The following CCDC186 variants were observed in gnomAD, a reference collection of about 807,000 sequenced individuals.
CCDC186 encodes the protein coiled-coil domain containing 186, also known as coiled-coil domain-containing protein 186.
CCDC186 carries 49 observed loss-of-function variants against 113.7 expected under a neutral mutation model. That is an observed-to-expected ratio of 0.43 (90% CI 0.34 to 0.55). The LOEUF (loss-of-function observed/expected upper bound fraction) is 0.55. Ranked by LOEUF, CCDC186 falls within the 20% of genes least tolerant of loss-of-function variation. CCDC186 has a pLI of 0.02. For synonymous variants in CCDC186, 355 were observed against 345.8 expected (o/e 1.03, Z -0.30); for missense variants, 890 against 1,011.1 (o/e 0.88, Z 1.62).
chr10:114,169,854 T>A (rs2032443032), intron 1 of CCDC186, among the ~76,000 whole-genome samples: 1 of 152,184 alleles, frequency 6.6e-6, no homozygotes, highest in Non-Finnish European at 1.5e-5. Flanking sequence ...TTTTGATAAA[T>A]AATTAACTTT....
At position 114,123,082 on chromosome 10, in the gene CCDC186, G is replaced by A. The variant is rs1252863410; in HGVS notation, c.*2061C>T. 1 of 152,472 alleles carries A rather than the reference G, an allele frequency of 6.6e-6. No individual in the cohort carries two copies. 9.4% of individuals were successfully genotyped at this position (152,472 alleles called of 1,614,324 possible). ...TGGGGAAAAAAATCCAAATATTGTA[G>A]TTTATGAACCTGTATCATAAGAAAC... On this transcript the variant is annotated 3_prime_UTR_variant, in exon 16 of 16. Transcript: ENST00000369287.
At chr10:114,157,488 G>T in intron 3 of CCDC186, 66 bp downstream of exon 3, 1 of 1,434,762 alleles carries the variant, frequency 7.0e-7, no homozygotes. Context: ...TGCCACAATC[G>T]GCTGCCAGGA....
In CCDC186 at chr10:114,134,958, A is replaced by C; in HGVS notation, c.1610T>G (p.Leu537Trp). ...CTGATCTGCAGTTTTCACCTTGTCCAATAAATTCTGAATTTCAGCTTTTTG... is the reference window on the plus strand; with the variant it reads ...CTGATCTGCAGTTTTCACCTTGTCCCATAAATTCTGAATTTCAGCTTTTTG... ...NRQKAEIQNL[L>W]DKVKTADQLQ... is the part of the protein sequence containing the mutation. The change falls in exon 10 of 16, where the codon TTG (leucine) becomes TGG (tryptophan). Residue 537 changes from leucine (L) to tryptophan (W), a missense_variant. Leu to Trp is a moderately conservative substitution (Grantham distance 61). Transcript: ENST00000369287. 1 of 1,612,682 alleles carries C rather than the reference A, an allele frequency of 6.2e-7. No individual in the cohort carries two copies. Among genetic ancestry groups the C allele is most frequent in the Non-Finnish European group, 8.5e-7 (1 of 1,179,582 alleles).
At chr10:114,130,942 G>A (rs2031067185) in intron 12 of CCDC186, 2 of 396,382 alleles carry the variant, frequency 5.0e-6, no homozygotes, top group South Asian at 2.4e-4. Context: ...TTGTGATTCT[G>A]TGAGTAAATG....
chr10:114,171,462 G>A (rs1368657113), intron 1 of CCDC186, among the ~76,000 whole-genome samples: 2 of 152,110 alleles, frequency 1.3e-5, no homozygotes, highest in African/African-American at 4.8e-5. Context: ...AAGGCAGGAG[G>A]ATTGCTTGAG....
intron 12 of CCDC186, 102 bp from the exon 13 acceptor site, chr10:114,130,073 C>T: frequency 1.0e-6 from 1 of 968,694 alleles, no homozygotes; most frequent in Non-Finnish European, 1.6e-6. Context: ...ATGGCATAGA[C>T]AAGAGAAAGT....
Position 114,121,385 on chromosome 10 carries a change from A to G in CCDC186, c.*3758T>C, listed in dbSNP as rs1311507726. ...CAACATTTACATTATTAAGGATTCT[A>G]TTTTTTTCTTTTACTGATAAATCTT... On this transcript the variant is annotated 3_prime_UTR_variant, in exon 16 of 16. Coordinates refer to ENST00000369287, the MANE Select transcript of CCDC186 (RefSeq NM_018017.4). The G allele has an allele frequency of 6.6e-6, 1 of 152,102 alleles. No individual in the cohort carries two copies. The highest frequency in any genetic ancestry group is 1.5e-5 in the Non-Finnish European group (1 of 67,986). The allele number at this position is 152,102 out of a possible 1,614,324, so 9.4% of individuals were successfully genotyped here. A position where few individuals can be genotyped will look rare whatever the true frequency, so the allele number is the denominator to read the frequency against.
At position 114,124,720 on chromosome 10, in the gene CCDC186, C is replaced by T. The variant is rs538817900; in HGVS notation, c.*423G>A. 6.5e-6 allele frequency: 1 copy of T among 154,428 alleles called. No individual in the cohort carries two copies. The highest frequency in any genetic ancestry group is 1.9e-4 in the East Asian group (1 of 5,228). The allele number at this position is 154,428 out of a possible 1,614,324, so 9.6% of individuals were successfully genotyped here. A position where few individuals can be genotyped will look rare whatever the true frequency, so the allele number is the denominator to read the frequency against. On this transcript the variant is annotated 3_prime_UTR_variant, in exon 16 of 16. Coordinates refer to ENST00000369287, the MANE Select transcript of CCDC186 (RefSeq NM_018017.4). Reference sequence around the variant, plus strand: ...CATTTTTATCATTTGTTTTAGTTGTCTTGATGTTGGAGAAATAGCGTATTA... The same window carrying T: ...CATTTTTATCATTTGTTTTAGTTGTTTTGATGTTGGAGAAATAGCGTATTA...
chr10:114,132,244 G>T, intron 10 of CCDC186, 60 bp from the exon 11 acceptor site: 1 of 1,256,896 alleles, frequency 8.0e-7, no homozygotes, highest in Non-Finnish European at 1.1e-6. Context: ...TAAATTAATG[G>T]TTTGGGAATT....
Position 114,141,782 on chromosome 10 carries a change from T to C in CCDC186, c.1221+2715A>G, listed in dbSNP as rs565773588. On this transcript the variant is annotated intron_variant, in intron 6 of 15. Transcript: ENST00000369287. ...CCTTGGTTCCCCATATTTTGAACTC[T>C]ATCTCCTCAATTCAGGTAGACTGCT... is the stretch of plus-strand genomic sequence containing the variant. Among the ~76,000 whole-genome samples, 8 of 152,322 alleles carry C rather than the reference T, an allele frequency of 5.3e-5. No individual in the cohort carries two copies. The South Asian group carries it at 1.7e-3, about 32-fold the overall frequency.
chr10:114,171,300 C>T (rs1475656878), intron 1 of CCDC186, among the ~76,000 whole-genome samples: 1 of 152,080 alleles, frequency 6.6e-6, no homozygotes, highest in East Asian at 1.9e-4. Context: ...CTTTGGGAGG[C>T]CTAGATGGGA....
intron 1 of CCDC186, among the ~76,000 whole-genome samples, chr10:114,171,816 A>G (rs75916893): frequency 0.013 from 2,011 of 152,336 alleles, 50 homozygotes; most frequent in African/African-American, 0.046. Flanking sequence ...ACAAATGTTA[A>G]TAAGAAATAC....
rs552240830 is a variant in CCDC186, at chr10:114,139,341, T to C, written c.1222-2051A>G. ...ATTTTGGGAGGCCGAGGCAGATGGA[T>C]CACCTGAGGTCAGGAGTTGAAGACC... On this transcript the variant is annotated intron_variant, in intron 6 of 15. Transcript: ENST00000369287. Among the ~76,000 whole-genome samples the C allele has an allele frequency of 1.1e-4, 16 of 152,114 alleles. No homozygotes were observed. The South Asian group carries it at 2.9e-3, about 28-fold the overall frequency.
intron 8 of CCDC186, 74 bp downstream of exon 8, chr10:114,136,074 G>T: frequency 6.7e-7 from 1 of 1,497,756 alleles, no homozygotes. Context: ...AAAGTAGATA[G>T]CAATAAGTTC....
intron 9 of CCDC186, among the ~76,000 whole-genome samples, chr10:114,135,399 C>T (rs899699715): frequency 1.3e-5 from 2 of 152,074 alleles, no homozygotes; most frequent in African/African-American, 4.8e-5. Context: ...GGTTAAAGGA[C>T]TACTTCTAAA....
chr10:114,171,824 T>C (rs1461308080), intron 1 of CCDC186, among the ~76,000 whole-genome samples: 2 of 152,180 alleles, frequency 1.3e-5, no homozygotes, highest in Non-Finnish European at 2.9e-5. Flanking sequence ...TAATAAGAAA[T>C]ACACTCACAA....
chr10:114,126,123 A>T lies in CCDC186; in HGVS notation c.2394-18T>A. The T allele has an allele frequency of 6.3e-7, 1 of 1,599,442 alleles. No individual in the cohort carries two copies. The highest frequency in any genetic ancestry group is 8.6e-7 in the Non-Finnish European group (1 of 1,167,444). On this transcript the variant is annotated intron_variant, in intron 14 of 15. Transcript: ENST00000369287. ...GAATTATTCTGCAAAACAAAATGATAGTATCAGTTGTGTACTTGTAGAATT... is the reference window on the plus strand; with the variant it reads ...GAATTATTCTGCAAAACAAAATGATTGTATCAGTTGTGTACTTGTAGAATT...
At chr10:114,144,063 T>C (rs2031558538) in intron 6 of CCDC186, among the ~76,000 whole-genome samples, 2 of 152,030 alleles carry the variant, frequency 1.3e-5, no homozygotes, top group African/African-American at 4.8e-5. Context: ...TAAGAATGTA[T>C]ATTTTTTGAG....
At chr10:114,165,568 G>A (rs1484454152) in intron 1 of CCDC186, among the ~76,000 whole-genome samples, 1 of 152,202 alleles carries the variant, frequency 6.6e-6, no homozygotes, top group African/African-American at 2.4e-5. Context: ...GCAGCCGCCT[G>A]AAATCCCAGC....
Sources: allele counts gnomAD v4.1 joint callset (sites outside exome capture counted in the v4.1 genomes callset), GRCh38; gene constraint gnomAD v4.1.1; transcripts MANE v1.5; gene names NCBI Gene and HGNC (gene_info 2026-07-23, HGNC 2026-07-21).